The following MECOM variants were observed in gnomAD, a reference collection of about 807,000 sequenced individuals.
MECOM encodes histone-lysine N-methyltransferase MECOM.
Under a neutral mutation model 116.3 loss-of-function variants are expected in MECOM, and 13 were observed. The observed-to-expected ratio is 0.11, with a 90% CI of 0.07 to 0.18. MECOM has a LOEUF of 0.18. Ranked by LOEUF, MECOM falls within the 10% of genes least tolerant of loss-of-function variation. MECOM has a pLI of 1.00. For missense variants in MECOM, 1,299 were observed against 1,509.0 expected, an observed-to-expected ratio of 0.86 and a Z score of 2.31; for synonymous variants, 528 against 535.2, an observed-to-expected ratio of 0.99 and a Z score of 0.19.
intron 2 of MECOM, among the ~76,000 whole-genome samples, chr3:169,190,033 C>T (rs951824357): frequency 6.6e-6 from 1 of 152,018 alleles, no homozygotes; most frequent in Non-Finnish European, 1.5e-5. Flanking sequence ...TATGATAAAA[C>T]ATAACTACAG....
chr3:169,395,792 C>A (rs1487841640), intron 1 of MECOM, among the ~76,000 whole-genome samples: 1 of 152,174 alleles, frequency 6.6e-6, no homozygotes, highest in Non-Finnish European at 1.5e-5. Flanking sequence ...GCAGCACCTG[C>A]CATGAACTAG....
intron 12 of MECOM, among the ~76,000 whole-genome samples, chr3:169,097,179 G>A (rs1408360579): frequency 7.2e-5 from 11 of 151,976 alleles, no homozygotes; most frequent in Admixed American, 7.2e-4. Context: ...CACAAATCAT[G>A]AGGAAGAGAG....
intron 1 of MECOM, among the ~76,000 whole-genome samples, chr3:169,624,458 T>C (rs79836694): frequency 0.018 from 2,776 of 152,076 alleles, 83 homozygotes; most frequent in African/African-American, 0.064. Flanking sequence ...CCCCTAAAGA[T>C]ATAAGAGAGA....
At chr3:169,129,079 C>A (rs776690567) in intron 4 of MECOM, among the ~76,000 whole-genome samples, 46 of 152,078 alleles carry the variant, frequency 3.0e-4, no homozygotes, top group Non-Finnish European at 1.6e-4. Flanking sequence ...GGGGGGAATA[C>A]TTTAGTCCAA....
chr3:169,252,312 A>T lies in MECOM; in HGVS notation c.376-108480T>A, dbSNP rs144298446. Among the ~76,000 whole-genome samples the T allele has an allele frequency of 3.7e-4, 56 of 152,140 alleles. 1 individual carries two copies. In the East Asian group the frequency reaches 8.3e-3, roughly 23 times the overall value. On this transcript the variant is annotated intron_variant, in intron 2 of 16. Coordinates refer to ENST00000651503, the MANE Select transcript of MECOM (RefSeq NM_004991.4). ...ATGAGCTTTAAATTTGAGATGGGGG[A>T]GAAGATATGCATTTAGATAAGCATA...
At chr3:169,211,063 A>C (rs987610327) in intron 2 of MECOM, among the ~76,000 whole-genome samples, 1 of 152,164 alleles carries the variant, frequency 6.6e-6, no homozygotes, top group Admixed American at 6.6e-5. Context: ...TTTATGATTA[A>C]TGGTATGTCA....
chr3:169,445,597 C>T (rs769558597), intron 1 of MECOM, among the ~76,000 whole-genome samples: 1 of 152,184 alleles, frequency 6.6e-6, no homozygotes, highest in Non-Finnish European at 1.5e-5. Context: ...AATGTGGGGT[C>T]ACAGCCCCCA....
At position 169,154,974 on chromosome 3, in the gene MECOM, T is replaced by C. The variant is rs375329391; in HGVS notation, c.376-11142A>G. Among the ~76,000 whole-genome samples the C allele has an allele frequency of 4.1e-4, 63 of 152,330 alleles. No homozygotes were observed. In the South Asian group the frequency reaches 4.4e-3, roughly 11 times the overall value. On this transcript the variant is annotated intron_variant, in intron 2 of 16. Transcript: ENST00000651503. The stretch of plus-strand genomic sequence containing the variant: ...CTCCTGGTTTATAGCCAGTTCTTCC[T>C]TACTTACAGGTGTGTCTTTAATGCT...
At chr3:169,417,672 G>T (rs375781538) in intron 1 of MECOM, among the ~76,000 whole-genome samples, 4 of 150,748 alleles carry the variant, frequency 2.7e-5, no homozygotes, top group African/African-American at 9.8e-5. Flanking sequence ...TGTTTATTGC[G>T]GCACTATTCA....
In MECOM at chr3:169,239,093, A is replaced by G. The variant is rs377092743; in HGVS notation, c.376-95261T>C. On this transcript the variant is annotated intron_variant, in intron 2 of 16. Coordinates refer to ENST00000651503, the MANE Select transcript of MECOM (RefSeq NM_004991.4). ...AAAGATATGTTACATGTGAACTGCTATAAAAGTAAATTTTAAATTAATCAC... is the reference window on the plus strand; with the variant it reads ...AAAGATATGTTACATGTGAACTGCTGTAAAAGTAAATTTTAAATTAATCAC... Among the ~76,000 whole-genome samples the G allele has an allele frequency of 1.1e-3, 160 of 152,298 alleles. 2 individuals carry two copies. The South Asian group carries it at 0.032, about 31-fold the overall frequency.
At chr3:169,117,000 T>G (rs1166092611) in intron 7 of MECOM, among the ~76,000 whole-genome samples, 2 of 152,154 alleles carry the variant, frequency 1.3e-5, no homozygotes, top group Non-Finnish European at 2.9e-5. Context: ...TTGTGCAATA[T>G]TTTGCATAAT....
rs183586016 is a variant in MECOM, at chr3:169,161,127, G to A, written c.376-17295C>T. On this transcript the variant is annotated intron_variant, in intron 2 of 16. Coordinates refer to ENST00000651503, the MANE Select transcript of MECOM (RefSeq NM_004991.4). ...CATTTGACATTTAGTGTACATTGATGATTAAGTCATGGTCACCACCTTTAA... is the reference window on the plus strand; with the variant it reads ...CATTTGACATTTAGTGTACATTGATAATTAAGTCATGGTCACCACCTTTAA... Among the ~76,000 whole-genome samples the A allele has an allele frequency of 2.0e-3, 299 of 152,266 alleles. 1 individual carries two copies. The highest frequency in any genetic ancestry group is 3.3e-3 in the Non-Finnish European group (227 of 68,016).
At chr3:169,108,601 A>G (rs1726236337) in intron 9 of MECOM, among the ~76,000 whole-genome samples, 1 of 152,230 alleles carries the variant, frequency 6.6e-6, no homozygotes. Flanking sequence ...ACGCTTAAAA[A>G]TATCATTTTG....
At chr3:169,123,318 T>A (rs1731696181) in intron 5 of MECOM, among the ~76,000 whole-genome samples, 1 of 151,298 alleles carries the variant, frequency 6.6e-6, no homozygotes, top group African/African-American at 2.4e-5. Flanking sequence ...TGTGTGTGTG[T>A]GTGTGTGTAT....
chr3:169,575,983 T>A (rs943500268), intron 1 of MECOM, among the ~76,000 whole-genome samples: 1 of 152,196 alleles, frequency 6.6e-6, no homozygotes, highest in African/African-American at 2.4e-5. Flanking sequence ...CGCAAAATTC[T>A]AAGGTGCCTG....
rs148616035 is a variant in MECOM, at chr3:169,282,529, T to C, written c.375+98658A>G. 2.8e-3 allele frequency among the ~76,000 whole-genome samples: 423 copies of C among 152,310 alleles called. 1 individual carries two copies. The highest frequency in any genetic ancestry group is 9.6e-3 in the African/African-American group (397 of 41,570). On this transcript the variant is annotated intron_variant, in intron 2 of 16. Coordinates refer to ENST00000651503, the MANE Select transcript of MECOM (RefSeq NM_004991.4). ...ATTTATTAAATAGACCACTTTTATTTAGCAGCTGTAAAGGAAAGAGAAAGT... is the reference window on the plus strand; with the variant it reads ...ATTTATTAAATAGACCACTTTTATTCAGCAGCTGTAAAGGAAAGAGAAAGT...
At chr3:169,294,383 C>T (rs1195539762) in intron 2 of MECOM, among the ~76,000 whole-genome samples, 2 of 152,214 alleles carry the variant, frequency 1.3e-5, no homozygotes, top group Admixed American at 1.3e-4. Context: ...TAGCCAAACA[C>T]AGAGAAAAAC....
intron 1 of MECOM, among the ~76,000 whole-genome samples, chr3:169,653,396 T>C (rs1400509540): frequency 6.6e-6 from 1 of 152,112 alleles, no homozygotes; most frequent in Non-Finnish European, 1.5e-5. Flanking sequence ...AGACAAGCAA[T>C]TTATAATAAA....
intron 2 of MECOM, among the ~76,000 whole-genome samples, chr3:169,327,711 G>C (rs574039617): frequency 6.6e-6 from 1 of 151,524 alleles, no homozygotes; most frequent in South Asian, 2.1e-4. Flanking sequence ...CTAGGTCAGA[G>C]AGTAAACTGC....
Sources: gnomAD v4.1 joint callset for allele counts (sites outside exome capture counted in the v4.1 genomes callset) on GRCh38, gnomAD v4.1.1 for gene constraint, MANE v1.5 for transcripts, NCBI Gene and HGNC (gene_info 2026-07-23, HGNC 2026-07-21) for gene names.